The following SLC35F3 variants were observed in gnomAD, a reference collection of about 807,000 sequenced individuals.
The protein encoded by SLC35F3 is solute carrier family 35 member F3, also known as putative thiamine transporter SLC35F3.
A neutral mutation model predicts 49.9 loss-of-function variants in SLC35F3; 25 were observed. The ratio of observed to expected loss-of-function variants is 0.50; its 90% confidence interval spans 0.37 to 0.70. SLC35F3 has a LOEUF of 0.70. SLC35F3 is among the 30% of genes least tolerant of loss of function. The pLI is 0.00. For synonymous variants in SLC35F3, 275 were observed against 265.4 expected (o/e 1.04, Z -0.35); for missense variants, 525 against 639.8 (o/e 0.82, Z 1.94).
At chr1:233,932,748 G>A (rs569014283) in intron 2 of SLC35F3, among the ~76,000 whole-genome samples, 2 of 152,274 alleles carry the variant, frequency 1.3e-5, no homozygotes, top group South Asian at 4.1e-4. Flanking sequence ...TAGGACCTAT[G>A]GAAATCAGAA....
chr1:234,225,654 A>T (rs1418542130), intron 2 of SLC35F3, among the ~76,000 whole-genome samples: 1 of 152,236 alleles, frequency 6.6e-6, no homozygotes, highest in Non-Finnish European at 1.5e-5. Context: ...GTCAAATAAG[A>T]TTTGTTGAAT....
intron 3 of SLC35F3, among the ~76,000 whole-genome samples, chr1:234,287,067 T>A (rs1668432589): frequency 6.6e-6 from 1 of 152,072 alleles, no homozygotes; most frequent in Admixed American, 6.6e-5. Flanking sequence ...GGCACGGTGG[T>A]GTGTACCTTT....
rs927621273 is a variant in SLC35F3, at chr1:234,309,392, A to T, written c.828+72A>T. The T allele has an allele frequency of 2.3e-6, 3 of 1,330,418 alleles. No homozygotes were observed. In the African/African-American group the frequency reaches 4.3e-5, roughly 19 times the overall value. The allele number at this position is 1,330,418 out of a possible 1,614,324, so 82.4% of individuals were successfully genotyped here. The stretch of plus-strand genomic sequence containing the variant: ...CCAAAACCTGCCCATCGGCTTGCTT[A>T]GCTCCATGTGCTGGACCATGAGCAT... On this transcript the variant is annotated intron_variant, in intron 4 of 7. Coordinates refer to ENST00000366618, the MANE Select transcript of SLC35F3 (RefSeq NM_173508.4).
chr1:234,251,221 T>C (rs1374448898), intron 3 of SLC35F3, among the ~76,000 whole-genome samples: 1 of 152,014 alleles, frequency 6.6e-6, no homozygotes, highest in Non-Finnish European at 1.5e-5. Flanking sequence ...GTAAAGGAAA[T>C]AGCAAGGACT....
At chr1:234,223,069 C>T (rs565082135) in intron 2 of SLC35F3, among the ~76,000 whole-genome samples, 2 of 152,342 alleles carry the variant, frequency 1.3e-5, no homozygotes, top group South Asian at 2.1e-4. Context: ...GGCGCTGACT[C>T]TTCCCCCAGG....
Position 234,184,411 on chromosome 1 carries a change from G to T in SLC35F3, c.284-47006G>T, listed in dbSNP as rs72760016. On this transcript the variant is annotated intron_variant, in intron 2 of 7. Coordinates refer to ENST00000366618, the MANE Select transcript of SLC35F3 (RefSeq NM_173508.4). The stretch of plus-strand genomic sequence containing the variant: ...TGGCTTCTGGAATGAAGCATGTTTT[G>T]AGCCTACACACTGTGAGACCTATGA... 2.3e-3 allele frequency among the ~76,000 whole-genome samples: 351 copies of T among 152,264 alleles called. 1 individual carries two copies. The highest frequency in any genetic ancestry group is 3.0e-3 in the Non-Finnish European group (206 of 68,010).
At chr1:233,928,481 C>T (rs531523864) in intron 2 of SLC35F3, among the ~76,000 whole-genome samples, 102 of 152,222 alleles carry the variant, frequency 6.7e-4, no homozygotes, top group African/African-American at 2.3e-3. Flanking sequence ...GTTTGAATCC[C>T]GCTACCTGCT....
At chr1:234,216,472 G>A (rs1187409445) in intron 2 of SLC35F3, among the ~76,000 whole-genome samples, 3 of 152,190 alleles carry the variant, frequency 2.0e-5, no homozygotes, top group Non-Finnish European at 4.4e-5. Flanking sequence ...CAAGCCTGGA[G>A]GTTGCCTTCA....
chr1:234,123,576 A>AT (rs71170464), intron 2 of SLC35F3, among the ~76,000 whole-genome samples: 17,514 of 146,504 alleles, frequency 0.12, 2,219 homozygotes, highest in African/African-American at 0.32. Flanking sequence ...TGCCTGGTTA[A>AT]TTTTTTTTTT....
intron 2 of SLC35F3, among the ~76,000 whole-genome samples, chr1:234,196,255 A>G (rs1666808502): frequency 6.6e-6 from 1 of 152,222 alleles, no homozygotes. Flanking sequence ...CTTTTCCAAG[A>G]AATTTCTGCG....
intron 4 of SLC35F3, among the ~76,000 whole-genome samples, chr1:234,312,857 TTTTGTTTGTTTG>T (rs140884492): frequency 1.0e-4 from 15 of 150,724 alleles, no homozygotes; most frequent in African/African-American, 3.4e-4. Flanking sequence ...TTTTAGGTTT[TTTTGTTTGTTTG>T]TTTGTTTGTT....
intron 3 of SLC35F3, chr1:234,272,364 G>A (rs1668121272): frequency 6.6e-6 from 1 of 152,224 alleles, no homozygotes; most frequent in African/African-American, 2.4e-5. Context: ...TTCAACCACA[G>A]ACTATAAGAC....
chr1:234,123,576 A>ATTT lies in SLC35F3; in HGVS notation c.284-107830_284-107828dup, dbSNP rs71170464. On this transcript the variant is annotated intron_variant, in intron 2 of 7. Transcript: ENST00000366618. ...AGGCGTGTGCCACCATGCCTGGTTA[A>ATTT]TTTTTTTTTTTTTGTATTTTTAGTA... is the stretch of plus-strand genomic sequence containing the variant. Among the ~76,000 whole-genome samples the ATTT allele has an allele frequency of 5.9e-3, 863 of 146,646 alleles. 7 individuals are homozygous for ATTT. Among genetic ancestry groups the ATTT allele is most frequent in the East Asian group, 0.01 (50 of 4,842 alleles).
At chr1:234,043,466 G>A (rs34421765) in intron 2 of SLC35F3, among the ~76,000 whole-genome samples, 20,146 of 152,132 alleles carry the variant, frequency 0.13, 1,630 homozygotes, top group Non-Finnish European at 0.18. Context: ...AAGAAGAGTA[G>A]CATTGTTTTA....
intron 2 of SLC35F3, among the ~76,000 whole-genome samples, chr1:234,093,624 A>T (rs544619254): frequency 8.9e-4 from 136 of 152,340 alleles, no homozygotes; most frequent in African/African-American, 3.1e-3. Flanking sequence ...CGACCCGAGG[A>T]GGGGAACCCT....
chr1:234,303,783 C>G (rs562761986), intron 3 of SLC35F3, among the ~76,000 whole-genome samples: 1 of 152,032 alleles, frequency 6.6e-6, no homozygotes, highest in African/African-American at 2.4e-5. Flanking sequence ...TCTCTTTATA[C>G]CTTTATTTTA....
At chr1:233,930,967 G>A (rs747403508) in intron 2 of SLC35F3, among the ~76,000 whole-genome samples, 1 of 152,038 alleles carries the variant, frequency 6.6e-6, no homozygotes, top group Non-Finnish European at 1.5e-5. Flanking sequence ...CAGAACAGAG[G>A]CCTCAGAAAT....
intron 4 of SLC35F3, among the ~76,000 whole-genome samples, chr1:234,315,403 T>G (rs1476162137): frequency 6.6e-6 from 1 of 152,236 alleles, no homozygotes; most frequent in Non-Finnish European, 1.5e-5. Flanking sequence ...ACTTCCTATG[T>G]GAATCATGCA....
At chr1:234,059,430 A>C (rs1664505903) in intron 2 of SLC35F3, among the ~76,000 whole-genome samples, 1 of 150,530 alleles carries the variant, frequency 6.6e-6, no homozygotes, top group Non-Finnish European at 1.5e-5. Context: ...TTTCTTCTTT[A>C]ATCCCTTGGT....
Sources: gnomAD v4.1 joint callset for allele counts (sites outside exome capture counted in the v4.1 genomes callset) on GRCh38, gnomAD v4.1.1 for gene constraint, MANE v1.5 for transcripts, NCBI Gene and HGNC (gene_info 2026-07-23, HGNC 2026-07-21) for gene names.